Variants in VPS13A observed in about 807,000 individuals in gnomAD.
VPS13A encodes the protein vacuolar protein sorting 13 homolog A, also known as intermembrane lipid transfer protein VPS13A.
VPS13A carries 264 observed loss-of-function variants against 390.9 expected under a neutral mutation model. That is an observed-to-expected ratio of 0.68 (90% confidence interval 0.61 to 0.75). VPS13A has a LOEUF of 0.75. Ranked by LOEUF, VPS13A falls within the 30% of genes least tolerant of loss-of-function variation. The probability of loss-of-function intolerance (pLI) is 0.00; values close to 1 mark genes in which losing one functional copy is unlikely to be tolerated. For synonymous variants in VPS13A, 1,231 were observed against 1,227.1 expected (o/e 1.00, Z -0.07); for missense variants, 3,409 against 3,733.9 (o/e 0.91, Z 2.27).
intron 26 of VPS13A, among the ~76,000 whole-genome samples, chr9:77,278,832 A>G (rs1443269686): frequency 6.6e-6 from 1 of 152,190 alleles, no homozygotes; most frequent in Admixed American, 6.5e-5. Context: ...TTTTCTTAGT[A>G]TAGCACATTT....
intron 47 of VPS13A, chr9:77,338,959 GA>G (rs1830674830): frequency 6.3e-6 from 1 of 157,724 alleles, no homozygotes; most frequent in South Asian, 1.9e-4. Flanking sequence ...CTCTTAAACT[GA>G]GACGTCATAT....
chr9:77,394,061 C>G (rs1834016625), intron 68 of VPS13A, among the ~76,000 whole-genome samples: 1 of 151,840 alleles, frequency 6.6e-6, no homozygotes, highest in Non-Finnish European at 1.5e-5. Flanking sequence ...AGCCACCACA[C>G]CCGGCACTTT....
At chr9:77,299,118 A>G (rs575049030) in intron 33 of VPS13A, among the ~76,000 whole-genome samples, 17 of 152,236 alleles carry the variant, frequency 1.1e-4, no homozygotes, top group Middle Eastern at 3.4e-3. Flanking sequence ...ATTGGTCTAT[A>G]TATCCGTTTT....
intron 34 of VPS13A, among the ~76,000 whole-genome samples, chr9:77,306,789 C>T (rs1186251887): frequency 1.3e-5 from 2 of 152,044 alleles, no homozygotes; most frequent in Non-Finnish European, 2.9e-5. Flanking sequence ...GACCACATAC[C>T]TAGGTACTGT....
chr9:77,310,581 T>C (rs1337954159), intron 35 of VPS13A, among the ~76,000 whole-genome samples: 2 of 151,578 alleles, frequency 1.3e-5, no homozygotes, highest in East Asian at 1.9e-4. Flanking sequence ...ATCGTGACAG[T>C]GTAGCAGCAG....
intron 6 of VPS13A, 77 bp from the exon 7 acceptor site, chr9:77,210,539 T>C (rs780209183): frequency 2.8e-6 from 4 of 1,429,914 alleles, no homozygotes; most frequent in Non-Finnish European, 3.9e-6. Context: ...CCGCTGCACA[T>C]TGACAGTTTT....
chr9:77,407,271 C>G (rs552893407), intron 70 of VPS13A, among the ~76,000 whole-genome samples: 22 of 152,306 alleles, frequency 1.4e-4, no homozygotes, highest in Non-Finnish European at 2.2e-4. Context: ...TTTATGTCGA[C>G]TCTTTATGGC....
chr9:77,216,732 C>A (rs367651495), intron 10 of VPS13A, among the ~76,000 whole-genome samples: 1 of 152,158 alleles, frequency 6.6e-6, no homozygotes, highest in Non-Finnish European at 1.5e-5. Context: ...TATTGACTCA[C>A]ATGATCACAA....
At chr9:77,226,349 T>C in intron 14 of VPS13A, 117 bp from the exon 15 acceptor site, 4 of 939,808 alleles carry the variant, frequency 4.3e-6, no homozygotes, top group Non-Finnish European at 6.7e-6. Context: ...TTAATGTGTA[T>C]ATTGTTTACA....
chr9:77,356,485 G>C (rs1034635701), intron 54 of VPS13A, among the ~76,000 whole-genome samples: 30 of 152,218 alleles, frequency 2.0e-4, no homozygotes, highest in African/African-American at 7.2e-4. Flanking sequence ...GCTCCAGAAT[G>C]ACAGAGATGT....
chr9:77,219,881 A>G, intron 10 of VPS13A, 73 bp from the exon 11 acceptor site: 1 of 1,509,208 alleles, frequency 6.6e-7, no homozygotes, highest in South Asian at 1.1e-5. Context: ...CAGTGTTTTC[A>G]ACTTCATCAC....
At position 77,377,216 on chromosome 9, in the gene VPS13A, T is replaced by TTG. The variant is rs1554675568; in HGVS notation, c.9078-4759_9078-4758insGT. ...ATTTTTGATGCTGTTTTTTTTTTTT[T>TTG]TTTTTTTTTTTTTTGAGACGGAGTC... On this transcript the variant is annotated intron_variant, in intron 67 of 71. Coordinates refer to ENST00000360280, the MANE Select transcript of VPS13A (RefSeq NM_033305.3). Among the ~76,000 whole-genome samples the TTG allele has an allele frequency of 3.8e-3, 499 of 130,364 alleles. 9 individuals carry two copies. Among genetic ancestry groups the TTG allele is most frequent in the Non-Finnish European group, 5.3e-3 (329 of 61,676 alleles). 85.5% of individuals were successfully genotyped at this position (130,364 alleles called of 152,430 possible).
Position 77,384,905 on chromosome 9 carries a change from G to T in VPS13A, c.9189+2818G>T, listed in dbSNP as rs116588612. On this transcript the variant is annotated intron_variant, in intron 68 of 71. Coordinates refer to ENST00000360280, the MANE Select transcript of VPS13A (RefSeq NM_033305.3). ...AGGGCATCCAACATATTATAGATTT[G>T]CTTTTATATATTTTATAGCTTTGTA... The T allele has an allele frequency of 3.4e-3, 4,671 of 1,369,244 alleles. 47 individuals are homozygous for T. Among genetic ancestry groups the T allele is most frequent in the African/African-American group, 0.028 (1,892 of 68,416 alleles). The allele number at this position is 1,369,244 out of a possible 1,614,324, so 84.8% of individuals were successfully genotyped here.
chr9:77,196,039 G>T (rs1824980933), intron 1 of VPS13A, among the ~76,000 whole-genome samples: 1 of 151,640 alleles, frequency 6.6e-6, no homozygotes, highest in African/African-American at 2.4e-5. Context: ...TTTTCTTGGG[G>T]TTACCTTTTT....
intron 71 of VPS13A, 69 bp from the exon 72 acceptor site, chr9:77,415,887 A>G: frequency 1.3e-6 from 2 of 1,571,116 alleles, no homozygotes; most frequent in Admixed American, 1.7e-5. Context: ...CTAGATCTCC[A>G]TTCATTACAT....
At chr9:77,309,549 A>C (rs938253873) in intron 35 of VPS13A, among the ~76,000 whole-genome samples, 1 of 152,196 alleles carries the variant, frequency 6.6e-6, no homozygotes, top group East Asian at 1.9e-4. Flanking sequence ...CATAAAGATG[A>C]ATTTATAAAT....
chr9:77,401,329 TTG>T (rs4012461), intron 68 of VPS13A, among the ~76,000 whole-genome samples: 36,453 of 139,968 alleles, frequency 0.26, 4,637 homozygotes, highest in Middle Eastern at 0.28. Context: ...TCACATGAAG[TTG>T]TGTGTGTGTG....
intron 26 of VPS13A, among the ~76,000 whole-genome samples, chr9:77,277,337 C>T (rs1826742370): frequency 6.6e-6 from 1 of 152,164 alleles, no homozygotes; most frequent in Non-Finnish European, 1.5e-5. Flanking sequence ...TTCCCATATA[C>T]TCCTTGTACC....
chr9:77,287,433 T>G (rs1010734759), intron 31 of VPS13A, among the ~76,000 whole-genome samples: 4 of 151,976 alleles, frequency 2.6e-5, no homozygotes, highest in Non-Finnish European at 1.5e-5. Context: ...GCTCAGGCGA[T>G]CTACCTGCCT....
Sources: allele counts gnomAD v4.1 joint callset (sites outside exome capture counted in the v4.1 genomes callset), GRCh38; gene constraint gnomAD v4.1.1; transcripts MANE v1.5; gene names NCBI Gene and HGNC (gene_info 2026-07-23, HGNC 2026-07-21).